Variants in CASTOR2 observed in about 807,000 individuals in gnomAD.
The protein encoded by CASTOR2 is cytosolic arginine sensor for mTORC1 subunit 2, also known as GATS protein like 2.
A neutral mutation model predicts 31.2 loss-of-function variants in CASTOR2; 8 were observed. The ratio of observed to expected loss-of-function variants is 0.26; its 90% CI spans 0.15 to 0.46. CASTOR2 has a LOEUF of 0.46. Among genes scored for constraint, CASTOR2 ranks in the 20% least tolerant of loss-of-function variants. The probability of loss-of-function intolerance (pLI) is 0.99; values close to 1 mark genes in which losing one functional copy is unlikely to be tolerated. For missense variants in CASTOR2, 216 were observed against 382.1 expected, an observed-to-expected ratio of 0.57 and a Z score of 3.62; for synonymous variants, 162 against 158.7, an observed-to-expected ratio of 1.02 and a Z score of -0.16.
intron 2 of CASTOR2, among the ~76,000 whole-genome samples, chr7:75,009,407 A>T (rs1235039229): frequency 6.7e-6 from 1 of 149,554 alleles, no homozygotes; most frequent in African/African-American, 2.5e-5. Context: ...AGCTGGGACT[A>T]CAGGCGCCCG....
At chr7:75,003,493 A>G (rs1804541687) in intron 1 of CASTOR2, among the ~76,000 whole-genome samples, 1 of 151,566 alleles carries the variant, frequency 6.6e-6, no homozygotes, top group Non-Finnish European at 1.5e-5. Flanking sequence ...GCTCACGCCT[A>G]TAATCCCAGC....
intron 1 of CASTOR2, among the ~76,000 whole-genome samples, chr7:74,984,307 A>T (rs1461118879): frequency 4.0e-5 from 6 of 149,772 alleles, no homozygotes; most frequent in Non-Finnish European, 8.9e-5. Flanking sequence ...AGGAGAGGTT[A>T]TTTGGGGTTG....
intron 2 of CASTOR2, among the ~76,000 whole-genome samples, chr7:75,008,395 C>T (rs1804652157): frequency 6.6e-6 from 1 of 152,174 alleles, no homozygotes; most frequent in East Asian, 1.9e-4. Context: ...ACATGTTTCA[C>T]TGAAACCTAC....
In CASTOR2 at chr7:75,024,873, G is replaced by C. The variant is rs1362832700; in HGVS notation, c.*174G>C. 17 of 1,469,534 alleles carry C rather than the reference G, an allele frequency of 1.2e-5. No homozygotes were observed. Among genetic ancestry groups the C allele is most frequent in the African/African-American group, 1.4e-5 (1 of 71,230 alleles). The allele number at this position is 1,469,534 out of a possible 1,614,324, so 91.0% of individuals were successfully genotyped here. A position where few individuals can be genotyped will look rare whatever the true frequency, so the allele number is the denominator to read the frequency against. On this transcript the variant is annotated 3_prime_UTR_variant, in exon 9 of 9. Transcript: ENST00000616305. ...CTCCAGGGCAGGGGCCCACGCCAAG[G>C]CCTCTCCATGCCCTCCTGCCTTCCC...
intron 2 of CASTOR2, among the ~76,000 whole-genome samples, chr7:75,009,094 T>C (rs1198743198): frequency 3.4e-5 from 5 of 148,446 alleles, no homozygotes; most frequent in Non-Finnish European, 4.5e-5. Context: ...GTAGCTGGGA[T>C]TACAGGTGCC....
Position 74,994,588 on chromosome 7 carries a change from A to C in CASTOR2, c.114-13406A>C, listed in dbSNP as rs1417958207. Reference sequence around the variant, plus strand: ...ACATAGTGAAACCCCATCTCTACTAAAAAATACGAAAATTAGCCGGGCGTG... The same window carrying C: ...ACATAGTGAAACCCCATCTCTACTACAAAATACGAAAATTAGCCGGGCGTG... On this transcript the variant is annotated intron_variant, in intron 1 of 8. Coordinates refer to ENST00000616305, the MANE Select transcript of CASTOR2 (RefSeq NM_001145064.3). Among the ~76,000 whole-genome samples, 3 of 152,148 alleles carry C rather than the reference A, an allele frequency of 2.0e-5. No homozygotes were observed. The East Asian group carries it at 5.8e-4, about 29-fold the overall frequency.
intron 1 of CASTOR2, among the ~76,000 whole-genome samples, chr7:75,000,842 AG>A (rs1804477549): frequency 6.6e-6 from 1 of 151,912 alleles, no homozygotes; most frequent in East Asian, 1.9e-4. Context: ...TTTTTAGTAG[AG>A]GTAGAGATGG....
chr7:75,003,526 A>G (rs1804542381), intron 1 of CASTOR2, among the ~76,000 whole-genome samples: 1 of 151,960 alleles, frequency 6.6e-6, no homozygotes, highest in Admixed American at 6.6e-5. Flanking sequence ...CGAGGCGGGC[A>G]GATCACGAGG....
rs231671 is a variant in CASTOR2, at chr7:74,975,321, C to T, written c.113+10223C>T. 2.7e-3 allele frequency among the ~76,000 whole-genome samples: 409 copies of T among 150,408 alleles called. 2 individuals carry two copies. Among genetic ancestry groups the T allele is most frequent in the South Asian group, 0.022 (104 of 4,662 alleles). ...AGAGGGGGTCTCACTCTGTTGTCCA[C>T]GCCGGTCTCAAACTCCTGACCTTAA... On this transcript the variant is annotated intron_variant, in intron 1 of 8. Transcript: ENST00000616305.
intron 2 of CASTOR2, among the ~76,000 whole-genome samples, chr7:75,010,218 A>AT (rs1228304054): frequency 1.3e-5 from 2 of 151,992 alleles, no homozygotes; most frequent in Non-Finnish European, 2.9e-5. Flanking sequence ...AGGAGGTGAT[A>AT]TTTTTGCTGG....
Position 75,018,137 on chromosome 7 carries a change from G to A in CASTOR2, c.511+15G>A. 1 of 1,613,276 alleles carries A rather than the reference G, an allele frequency of 6.2e-7. No individual in the cohort carries two copies. On this transcript the variant is annotated intron_variant, in intron 4 of 8. Coordinates refer to ENST00000616305, the MANE Select transcript of CASTOR2 (RefSeq NM_001145064.3). ...GCCCAAGCTGGGTGAGCTGGGGGCG[G>A]GGGTTTGTGCAGGGGAAACCTCACG...
intron 2 of CASTOR2, among the ~76,000 whole-genome samples, chr7:75,008,380 A>G (rs1286200517): frequency 2.0e-5 from 3 of 152,116 alleles, no homozygotes; most frequent in African/African-American, 7.2e-5. Context: ...CCCAGAAGAA[A>G]AGGAACATGT....
intron 1 of CASTOR2, among the ~76,000 whole-genome samples, chr7:74,994,814 T>TGCAGGGAG (rs1182615294): frequency 1.3e-5 from 2 of 150,694 alleles, no homozygotes; most frequent in Non-Finnish European, 2.9e-5. Context: ...AGTGCAAGTC[T>TGCAGGGAG]GCAGGGAGAG....
chr7:75,015,485 C>T (rs1246748547), intron 2 of CASTOR2, among the ~76,000 whole-genome samples: 1 of 151,948 alleles, frequency 6.6e-6, no homozygotes, highest in Non-Finnish European at 1.5e-5. Flanking sequence ...GCTACGTTCT[C>T]CAGGCTGGTC....
At chr7:74,995,680 C>T (rs1162556603) in intron 1 of CASTOR2, among the ~76,000 whole-genome samples, 2 of 151,684 alleles carry the variant, frequency 1.3e-5, no homozygotes, top group Admixed American at 1.3e-4. Flanking sequence ...TGGTGGCAGG[C>T]GCCTGTAGTC....
At position 74,996,731 on chromosome 7, in the gene CASTOR2, TTTTTTTTTTTTTTTG is replaced by T. The variant is rs1263685806; in HGVS notation, c.114-11262_114-11248del. ...TGCCTGGTGCTTTTTTTTTTTTTTTTTTTTTTTTTTTTTTGGAGACAGAATCTTACTCTGTCACCC... is the reference window on the plus strand; with the variant it reads ...TGCCTGGTGCTTTTTTTTTTTTTTTTGAGACAGAATCTTACTCTGTCACCC... On this transcript the variant is annotated intron_variant, in intron 1 of 8. Coordinates refer to ENST00000616305, the MANE Select transcript of CASTOR2 (RefSeq NM_001145064.3). Among the ~76,000 whole-genome samples, 19 of 113,440 alleles carry T rather than the reference TTTTTTTTTTTTTTTG, an allele frequency of 1.7e-4. 1 individual carries two copies. Among genetic ancestry groups the T allele is most frequent in the African/African-American group, 5.8e-4 (17 of 29,310 alleles). 74.4% of individuals were successfully genotyped at this position (113,440 alleles called of 152,430 possible).
intron 1 of CASTOR2, among the ~76,000 whole-genome samples, chr7:74,985,661 G>A (rs1804046236): frequency 6.8e-6 from 1 of 146,786 alleles, no homozygotes; most frequent in Non-Finnish European, 1.5e-5. Flanking sequence ...TCCCAGCTCT[G>A]CCCTCACTAA....
intron 1 of CASTOR2, among the ~76,000 whole-genome samples, chr7:74,983,553 G>A (rs1170755780): frequency 1.3e-5 from 2 of 151,034 alleles, no homozygotes; most frequent in African/African-American, 4.9e-5. Flanking sequence ...CAGAGAAAGT[G>A]CTTAGCAGGT....
intron 1 of CASTOR2, among the ~76,000 whole-genome samples, chr7:74,972,995 G>T (rs1295283056): frequency 6.7e-6 from 1 of 148,754 alleles, no homozygotes; most frequent in African/African-American, 2.5e-5. Context: ...CGTCTTACGA[G>T]GTATTTATGA....
Sources: allele counts gnomAD v4.1 joint callset (sites outside exome capture counted in the v4.1 genomes callset), GRCh38; gene constraint gnomAD v4.1.1; transcripts MANE v1.5; gene names NCBI Gene and HGNC (gene_info 2026-07-23, HGNC 2026-07-21).